Variants in SDK1 observed in about 807,000 individuals in gnomAD.
SDK1 encodes the protein sidekick cell adhesion molecule 1.
SDK1 carries 157 observed loss-of-function variants against 245.5 expected under a neutral mutation model. That is an observed-to-expected ratio of 0.64 (90% CI 0.56 to 0.73). The LOEUF (loss-of-function observed/expected upper bound fraction) is 0.73. Among genes scored for constraint, SDK1 ranks in the 30% least tolerant of loss-of-function variants. The pLI, the probability that SDK1 is intolerant of heterozygous loss-of-function variation, is 0.00. For missense variants in SDK1, 3,583 were observed against 3,002.3 expected (o/e 1.19, Z -4.52); for synonymous variants, 1,647 against 1,278.5 (o/e 1.29, Z -6.15).
At chr7:4,002,093 A>G (rs892714583) in intron 14 of SDK1, among the ~76,000 whole-genome samples, 6 of 152,260 alleles carry the variant, frequency 3.9e-5, no homozygotes, top group Non-Finnish European at 7.3e-5. Context: ...TCACTGTCAG[A>G]GTTTTTAACT....
intron 4 of SDK1, among the ~76,000 whole-genome samples, chr7:3,730,409 GA>G (rs1779144126): frequency 1.3e-5 from 2 of 152,160 alleles, no homozygotes. Flanking sequence ...CCAAGATTCT[GA>G]ATCTTCTGGG....
intron 1 of SDK1, among the ~76,000 whole-genome samples, chr7:3,418,555 C>T (rs1432914128): frequency 2.0e-5 from 3 of 152,116 alleles, no homozygotes; most frequent in African/African-American, 7.2e-5. Context: ...AATCTCTCTG[C>T]TCTACAGGAC....
chr7:3,561,971 C>T (rs1472861769), intron 1 of SDK1, among the ~76,000 whole-genome samples: 1 of 152,182 alleles, frequency 6.6e-6, no homozygotes, highest in Non-Finnish European at 1.5e-5. Flanking sequence ...AAGATTAACA[C>T]AAATGCTGGT....
At chr7:3,999,220 T>C (rs1254361658) in intron 14 of SDK1, among the ~76,000 whole-genome samples, 5 of 152,062 alleles carry the variant, frequency 3.3e-5, no homozygotes, top group African/African-American at 1.2e-4. Flanking sequence ...TTTCTCTCCT[T>C]TAGTTTCTTT....
intron 30 of SDK1, among the ~76,000 whole-genome samples, chr7:4,150,925 G>C (rs985699321): frequency 3.3e-5 from 5 of 152,256 alleles, no homozygotes; most frequent in Non-Finnish European, 7.3e-5. Context: ...AGCTGGAACT[G>C]TGCAGGCTCA....
intron 5 of SDK1, among the ~76,000 whole-genome samples, chr7:3,870,537 C>G (rs993006330): frequency 3.3e-5 from 5 of 151,870 alleles, no homozygotes; most frequent in Non-Finnish European, 7.4e-5. Flanking sequence ...AGGGAAGTCT[C>G]TAGCAGGTAC....
At chr7:3,945,451 GA>G (rs1389525726) in intron 5 of SDK1, among the ~76,000 whole-genome samples, 1 of 152,114 alleles carries the variant, frequency 6.6e-6, no homozygotes, top group Non-Finnish European at 1.5e-5. Flanking sequence ...CAGAACTTCA[GA>G]AAGTATTTAT....
At chr7:3,555,292 A>G (rs1019906545) in intron 1 of SDK1, among the ~76,000 whole-genome samples, 4 of 152,196 alleles carry the variant, frequency 2.6e-5, no homozygotes, top group African/African-American at 9.6e-5. Flanking sequence ...CCTACAGTGA[A>G]CTCACTTTTG....
chr7:4,203,011 C>T (rs984979147), intron 35 of SDK1, among the ~76,000 whole-genome samples: 1 of 152,224 alleles, frequency 6.6e-6, no homozygotes, highest in Admixed American at 6.5e-5. Context: ...CCAGCTGAAG[C>T]TCGCTGGCCA....
At chr7:3,827,512 C>G (rs1644630114) in intron 5 of SDK1, among the ~76,000 whole-genome samples, 1 of 152,208 alleles carries the variant, frequency 6.6e-6, no homozygotes, top group South Asian at 2.1e-4. Flanking sequence ...ACTCTGATAA[C>G]TGAGAGATAA....
At chr7:3,687,056 A>AAAACACACACACACACAC (rs758259836) in intron 4 of SDK1, among the ~76,000 whole-genome samples, 60 of 135,248 alleles carry the variant, frequency 4.4e-4, no homozygotes, top group Non-Finnish European at 8.0e-4. Flanking sequence ...ATAGCATCAA[A>AAAACACACACACACACAC]ACACACACAC....
At chr7:3,655,585 C>A (rs1783157985) in intron 4 of SDK1, among the ~76,000 whole-genome samples, 1 of 148,058 alleles carries the variant, frequency 6.8e-6, no homozygotes. Context: ...CTCTTACATA[C>A]ACTTGCTTAT....
At chr7:3,780,449 G>A (rs1406203482) in intron 4 of SDK1, among the ~76,000 whole-genome samples, 1 of 151,616 alleles carries the variant, frequency 6.6e-6, no homozygotes, top group Non-Finnish European at 1.5e-5. Flanking sequence ...AGGTACCTCT[G>A]TGTTTCTGGC....
intron 4 of SDK1, among the ~76,000 whole-genome samples, chr7:3,673,033 A>AGC (rs1195455204): frequency 2.0e-5 from 3 of 151,672 alleles, no homozygotes; most frequent in Non-Finnish European, 2.9e-5. Flanking sequence ...TTAGCTATGA[A>AGC]GCAGCTCTTG....
chr7:4,125,575 C>T (rs1007425388), intron 25 of SDK1, among the ~76,000 whole-genome samples: 11 of 152,108 alleles, frequency 7.2e-5, no homozygotes, highest in South Asian at 4.2e-4. Context: ...AGGAAGTCCT[C>T]GCAAGTGTTC....
intron 4 of SDK1, among the ~76,000 whole-genome samples, chr7:3,781,612 A>C (rs980910245): frequency 3.3e-5 from 5 of 152,224 alleles, no homozygotes; most frequent in African/African-American, 4.8e-5. Context: ...CAAAGAATTC[A>C]GAATAGTACT....
chr7:4,212,302 A>G (rs80196445), intron 38 of SDK1, among the ~76,000 whole-genome samples: 5,268 of 152,286 alleles, frequency 0.035, 136 homozygotes, highest in South Asian at 0.066. Context: ...AAGATTCATC[A>G]TTATTTTATG....
chr7:4,101,572 C>T (rs1782548792), intron 22 of SDK1, among the ~76,000 whole-genome samples: 1 of 152,192 alleles, frequency 6.6e-6, no homozygotes, highest in Non-Finnish European at 1.5e-5. Context: ...GGAGGAGACC[C>T]CACCATGTGC....
intron 17 of SDK1, among the ~76,000 whole-genome samples, chr7:4,025,760 C>G (rs1787294948): frequency 6.6e-6 from 1 of 152,200 alleles, no homozygotes; most frequent in African/African-American, 2.4e-5. Context: ...TGCTGCACCA[C>G]TTTAATCTCC....
Sources: allele counts gnomAD v4.1 joint callset (sites outside exome capture counted in the v4.1 genomes callset), GRCh38; gene constraint gnomAD v4.1.1; transcripts MANE v1.5; gene names NCBI Gene and HGNC (gene_info 2026-07-23, HGNC 2026-07-21).